FGF14: variants seen among roughly 807,000 people sequenced by gnomAD.
FGF14 encodes the protein fibroblast growth factor 14, also known as fibroblast growth factor homologous factor 4.
Under a neutral mutation model 25.5 loss-of-function variants are expected in FGF14, and 5 were observed. That is an observed-to-expected ratio of 0.20 (90% CI 0.10 to 0.41). FGF14 has a LOEUF of 0.41. Ranked by LOEUF, FGF14 falls within the 10% of genes least tolerant of loss-of-function variation. The pLI is 1.00. For synonymous variants in FGF14, 138 were observed against 118.3 expected, an observed-to-expected ratio of 1.17 and a Z score of -1.08; for missense variants, 222 against 320.1, an observed-to-expected ratio of 0.69 and a Z score of 2.34.
At chr13:102,050,534 A>G (rs562110655) in intron 1 of FGF14, among the ~76,000 whole-genome samples, 1 of 152,314 alleles carries the variant, frequency 6.6e-6, no homozygotes, top group African/African-American at 2.4e-5. Context: ...TGTTCTGTCT[A>G]ATAATGATTG....
chr13:101,894,699 A>T (rs935238294), intron 1 of FGF14, among the ~76,000 whole-genome samples: 2 of 152,208 alleles, frequency 1.3e-5, no homozygotes, highest in Admixed American at 1.3e-4. Context: ...CTAGCTTCCT[A>T]TCATGGTTTG....
chr13:102,350,967 G>C (rs1053922807), intron 1 of FGF14, among the ~76,000 whole-genome samples: 1 of 152,178 alleles, frequency 6.6e-6, no homozygotes, highest in Non-Finnish European at 1.5e-5. Flanking sequence ...GGGGGTGGAG[G>C]TATCCACCAC....
intron 1 of FGF14, among the ~76,000 whole-genome samples, chr13:101,931,619 T>C (rs868717674): frequency 6.6e-6 from 1 of 152,158 alleles, no homozygotes; most frequent in Non-Finnish European, 1.5e-5. Flanking sequence ...GCTAGCACTG[T>C]GCTTGGCCCA....
chr13:102,366,498 T>C (rs1396147216), intron 1 of FGF14: 1 of 151,734 alleles, frequency 6.6e-6, no homozygotes, highest in Non-Finnish European at 1.5e-5. Flanking sequence ...GACCTGCACG[T>C]GGATGTGGTG....
At chr13:102,245,203 C>T (rs954671732) in intron 1 of FGF14, among the ~76,000 whole-genome samples, 1 of 152,058 alleles carries the variant, frequency 6.6e-6, no homozygotes, top group Non-Finnish European at 1.5e-5. Flanking sequence ...AGACAAGGTA[C>T]ACAGACAGCC....
At chr13:102,189,649 T>G (rs944942166) in intron 1 of FGF14, among the ~76,000 whole-genome samples, 6 of 152,160 alleles carry the variant, frequency 3.9e-5, no homozygotes, top group Non-Finnish European at 7.4e-5. Flanking sequence ...GCCAGACACA[T>G]TGTATTACCA....
At chr13:102,084,873 G>A (rs539922242) in intron 1 of FGF14, among the ~76,000 whole-genome samples, 1 of 152,272 alleles carries the variant, frequency 6.6e-6, no homozygotes, top group East Asian at 1.9e-4. Context: ...ACTACAAAAA[G>A]CAAAACTGTC....
At chr13:102,326,174 GAATAACAATC>G (rs201767346) in intron 1 of FGF14, among the ~76,000 whole-genome samples, 5,918 of 152,138 alleles carry the variant, frequency 0.039, 189 homozygotes, top group Admixed American at 0.1. Flanking sequence ...AGAAGCCCAG[GAATAACAATC>G]AAAGCATCAA....
chr13:101,724,446 G>T (rs1046649872), intron 4 of FGF14, among the ~76,000 whole-genome samples: 2 of 150,882 alleles, frequency 1.3e-5, no homozygotes, highest in African/African-American at 4.9e-5. Flanking sequence ...CTGTTGTGGG[G>T]TGGGGGGATG....
At chr13:102,396,500 C>T (rs2058587470) in intron 1 of FGF14, among the ~76,000 whole-genome samples, 1 of 152,120 alleles carries the variant, frequency 6.6e-6, no homozygotes, top group South Asian at 2.1e-4. Flanking sequence ...GTCCTTGTTA[C>T]CATATGTATA....
chr13:101,807,730 G>A (rs746244319), intron 3 of FGF14, among the ~76,000 whole-genome samples: 2 of 152,034 alleles, frequency 1.3e-5, no homozygotes, highest in Non-Finnish European at 2.9e-5. Flanking sequence ...AAAGGAGTGA[G>A]TGGAAAGGAG....
intron 1 of FGF14, among the ~76,000 whole-genome samples, chr13:102,006,703 A>C (rs1175875627): frequency 6.7e-6 from 1 of 150,112 alleles, no homozygotes; most frequent in Non-Finnish European, 1.5e-5. Flanking sequence ...CAAGGACTGA[A>C]ATATGAGTCA....
chr13:102,171,068 C>A (rs2048225395), intron 1 of FGF14, among the ~76,000 whole-genome samples: 1 of 151,986 alleles, frequency 6.6e-6, no homozygotes, highest in African/African-American at 2.4e-5. Flanking sequence ...AGGATAATAT[C>A]AATTTAAACC....
chr13:101,760,427 T>C (rs1227375435), intron 3 of FGF14, among the ~76,000 whole-genome samples: 2 of 152,088 alleles, frequency 1.3e-5, no homozygotes, highest in African/African-American at 4.8e-5. Context: ...ATTTTCAGAG[T>C]CACAAAGACT....
chr13:102,044,536 G>C (rs55833916), intron 1 of FGF14, among the ~76,000 whole-genome samples: 1 of 146,542 alleles, frequency 6.8e-6, no homozygotes, highest in African/African-American at 2.5e-5. Flanking sequence ...CTCCTCTTTC[G>C]TAAAAAAAAA....
intron 1 of FGF14, among the ~76,000 whole-genome samples, chr13:102,218,983 G>A (rs191062212): frequency 1.2e-3 from 190 of 152,046 alleles, no homozygotes; most frequent in African/African-American, 4.1e-3. Flanking sequence ...AGTACATGAT[G>A]TATTTGGATA....
chr13:102,257,342 CTTTTTT>C (rs71125058), intron 1 of FGF14, among the ~76,000 whole-genome samples: 93 of 32,560 alleles, frequency 2.9e-3, no homozygotes, highest in Admixed American at 0.01. Flanking sequence ...CCTTTCTTTT[CTTTTTT>C]TTTTTTTTTT....
intron 3 of FGF14, among the ~76,000 whole-genome samples, chr13:101,837,915 T>C (rs2043005175): frequency 6.6e-6 from 1 of 151,914 alleles, no homozygotes; most frequent in Admixed American, 6.6e-5. Flanking sequence ...ATCTAATCAG[T>C]GGCCAGTGCA....
rs376255920 is a variant in FGF14 at position 102,246,319 on chromosome 13, C to A, written c.208+155152G>T. Among the ~76,000 whole-genome samples, 12 of 152,138 alleles carry A rather than the reference C, an allele frequency of 7.9e-5. No homozygotes were observed. The East Asian group carries it at 2.1e-3, about 27-fold the overall frequency. On this transcript the variant is annotated intron_variant, in intron 1 of 4. Coordinates refer to the FGF14 transcript ENST00000376131. ...TTATAATGTTAAGATTTTCAAATAGCCAATCAGCCTTCAAATGTTGAATTA... is the reference window on the plus strand; with the variant it reads ...TTATAATGTTAAGATTTTCAAATAGACAATCAGCCTTCAAATGTTGAATTA...
Sources: gnomAD v4.1 joint callset for allele counts (sites outside exome capture counted in the v4.1 genomes callset) on GRCh38, gnomAD v4.1.1 for gene constraint, MANE v1.5 for transcripts, NCBI Gene and HGNC (gene_info 2026-07-23, HGNC 2026-07-21) for gene names.